The following N4BP2L1 variants were observed in gnomAD, a reference collection of about 807,000 sequenced individuals.
N4BP2L1 encodes the protein NEDD4-binding protein 2-like 1.
Under a neutral mutation model 21.2 loss-of-function variants are expected in N4BP2L1, and 12 were observed. That is an observed-to-expected ratio of 0.57 (90% CI 0.36 to 0.92). The LOEUF is 0.92. Ranked by LOEUF, N4BP2L1 falls within the 40% of genes least tolerant of loss-of-function variation. The pLI, the probability that N4BP2L1 is intolerant of heterozygous loss-of-function variation, is 0.01. For synonymous variants in N4BP2L1, 104 were observed against 112.8 expected (o/e 0.92, Z 0.49); for missense variants, 259 against 310.6 (o/e 0.83, Z 1.25).
intron 1 of N4BP2L1, among the ~76,000 whole-genome samples, chr13:32,418,601 T>C (rs206325): frequency 0.28 from 42,326 of 152,096 alleles, 6,562 homozygotes; most frequent in South Asian, 0.4. Flanking sequence ...GTAGATCCAC[T>C]GACAGCTTGC....
At chr13:32,403,361 T>C (rs1374536074) in intron 4 of N4BP2L1, among the ~76,000 whole-genome samples, 161 bp from the exon 5 acceptor site, 3 of 152,106 alleles carry the variant, frequency 2.0e-5, no homozygotes, top group African/African-American at 7.2e-5. Context: ...TCTTTCAGCC[T>C]CCACTCATGT....
In N4BP2L1 at chr13:32,428,046, T is replaced by G. The variant is rs2074901322; in HGVS notation, c.37A>C (p.Ser13Arg). 1.3e-6 allele frequency: 2 copies of G among 1,525,920 alleles called. No homozygotes were observed. The highest frequency in any genetic ancestry group is 1.4e-5 in the African/African-American group (1 of 69,462). The allele number at this position is 1,525,920 out of a possible 1,614,324, so 94.5% of individuals were successfully genotyped here. A position where few individuals can be genotyped will look rare whatever the true frequency, so the allele number is the denominator to read the frequency against. ...DSFLQSFGRL[S>R]LQPQQQQQRQ... is the part of the protein sequence containing the mutation. Reference sequence around the variant, plus strand: ...TGCTGCTGCTGCTGGGGCTGGAGGCTCAGCCTCCCAAAAGATTGAAGGAAA... The same window carrying G: ...TGCTGCTGCTGCTGGGGCTGGAGGCGCAGCCTCCCAAAAGATTGAAGGAAA... Residue 13 changes from serine (S) to arginine (R), a missense_variant, in exon 1 of 5, where the codon AGC becomes CGC. This residue lies in a region of N4BP2L1 where 60 missense variants were observed against 54.7 expected (regional missense o/e 1.10). Transcript: ENST00000380130.
At chr13:32,424,010 C>T (rs965415100) in intron 1 of N4BP2L1, among the ~76,000 whole-genome samples, 2 of 152,142 alleles carry the variant, frequency 1.3e-5, no homozygotes, top group South Asian at 2.1e-4. Context: ...ATTGAGGTAG[C>T]GGAAAGGACA....
At chr13:32,412,973 G>C (rs2073941491) in intron 1 of N4BP2L1, among the ~76,000 whole-genome samples, 2 of 152,102 alleles carry the variant, frequency 1.3e-5, no homozygotes, top group Non-Finnish European at 2.9e-5. Flanking sequence ...GCCCAGGCTG[G>C]AGTGCAGTGG....
chr13:32,418,994 C>T (rs1461907540), intron 1 of N4BP2L1, among the ~76,000 whole-genome samples: 1 of 152,066 alleles, frequency 6.6e-6, no homozygotes, highest in Non-Finnish European at 1.5e-5. Context: ...TGGACTTGGA[C>T]TTTTGAGTTA....
chr13:32,415,392 T>C lies in N4BP2L1; in HGVS notation c.180-7620A>G, dbSNP rs142945724. Reference sequence around the variant, plus strand: ...TCTTTCCAGGATATATCTAGATATTTAATTTATTTTTTTAATCACTTCTGA... The same window carrying C: ...TCTTTCCAGGATATATCTAGATATTCAATTTATTTTTTTAATCACTTCTGA... On this transcript the variant is annotated intron_variant, in intron 1 of 4. Transcript: ENST00000380130. Among the ~76,000 whole-genome samples the C allele has an allele frequency of 1.6e-3, 246 of 152,360 alleles. 1 individual carries two copies. Among genetic ancestry groups the C allele is most frequent in the African/African-American group, 5.6e-3 (234 of 41,582 alleles).
At chr13:32,405,280 C>T (rs199577683) in intron 3 of N4BP2L1, among the ~76,000 whole-genome samples, 3 of 152,124 alleles carry the variant, frequency 2.0e-5, no homozygotes, top group East Asian at 3.9e-4. Context: ...GAGGCCGAGG[C>T]GGGTGAATCA....
intron 1 of N4BP2L1, among the ~76,000 whole-genome samples, chr13:32,410,597 A>C (rs2073805149): frequency 6.6e-6 from 1 of 152,214 alleles, no homozygotes; most frequent in African/African-American, 2.4e-5. Flanking sequence ...CGCACATCGA[A>C]AGTCCAAACC....
At chr13:32,404,200 T>C (rs1344212176) in intron 4 of N4BP2L1, 121 bp downstream of exon 4, 3 of 1,609,826 alleles carry the variant, frequency 1.9e-6, no homozygotes, top group African/African-American at 1.3e-5. Flanking sequence ...TTCCAAGAAT[T>C]ACCATTTCTG....
rs71071039 is a variant in N4BP2L1, at chr13:32,419,412, A to ATTTTTTTTTT, written c.179+8482_179+8491dup. ...GGGTGCTTGCCACCATGCTTGGCTAATTTTTTTTTTTTTTTTTTTTTTTTT... is the reference window on the plus strand; with the variant it reads ...GGGTGCTTGCCACCATGCTTGGCTAATTTTTTTTTTTTTTTTTTTTTTTTTTTTTTTTTTT... On this transcript the variant is annotated intron_variant, in intron 1 of 4. Transcript: ENST00000380130. The ATTTTTTTTTT allele has an allele frequency of 1.1e-3, 310 of 284,676 alleles. 12 individuals are homozygous for ATTTTTTTTTT. The highest frequency in any genetic ancestry group is 1.5e-3 in the Admixed American group (28 of 18,772). 17.6% of individuals were successfully genotyped at this position (284,676 alleles called of 1,614,324 possible). A position where few individuals can be genotyped will look rare whatever the true frequency, so the allele number is the denominator to read the frequency against.
intron 1 of N4BP2L1, among the ~76,000 whole-genome samples, chr13:32,421,482 T>TA (rs974607002): frequency 4.6e-5 from 7 of 152,188 alleles, no homozygotes; most frequent in Non-Finnish European, 7.4e-5. Context: ...TCCATGAACT[T>TA]CCCTAGTAAT....
chr13:32,420,828 G>C lies in N4BP2L1; in HGVS notation c.179+7076C>G, dbSNP rs1018238130. The stretch of plus-strand genomic sequence containing the variant: ...CCTGCCTCAGCCTCCCAAGTAGCTG[G>C]GATTACAGGCACCTGCCACCATGCC... On this transcript the variant is annotated intron_variant, in intron 1 of 4. Transcript: ENST00000380130. Among the ~76,000 whole-genome samples, 28 of 152,198 alleles carry C rather than the reference G, an allele frequency of 1.8e-4. 2 individuals are homozygous for C. The highest frequency in any genetic ancestry group is 1.6e-3 in the Admixed American group (25 of 15,280).
At chr13:32,417,034 C>G (rs1049749337) in intron 1 of N4BP2L1, among the ~76,000 whole-genome samples, 2 of 152,154 alleles carry the variant, frequency 1.3e-5, no homozygotes, top group Non-Finnish European at 2.9e-5. Context: ...CCAGGCTGGT[C>G]TCGAACTCCT....
intron 1 of N4BP2L1, among the ~76,000 whole-genome samples, chr13:32,417,266 C>T (rs1014774361): frequency 6.6e-6 from 1 of 152,158 alleles, no homozygotes; most frequent in African/African-American, 2.4e-5. Flanking sequence ...TTGTAGTTCC[C>T]ATAATCCCCA....
In N4BP2L1 at chr13:32,428,118, C is replaced by T. The variant is rs1193879192; in HGVS notation, c.-36G>A. ...GCTGGCTGCGAGAGCCCCGGGTTCC[C>T]TTTACTGAAGTCACGGTCTTGGCCA... is the stretch of plus-strand genomic sequence containing the variant. On this transcript the variant is annotated 5_prime_UTR_variant, in exon 1 of 5. Transcript: ENST00000380130. 4 of 1,424,926 alleles carry T rather than the reference C, an allele frequency of 2.8e-6. No homozygotes were observed. The highest frequency in any genetic ancestry group is 3.7e-6 in the Non-Finnish European group (4 of 1,084,932). The allele number at this position is 1,424,926 out of a possible 1,614,324, so 88.3% of individuals were successfully genotyped here.
chr13:32,404,629 G>A (rs546669663), intron 3 of N4BP2L1, among the ~76,000 whole-genome samples: 1 of 149,670 alleles, frequency 6.7e-6, no homozygotes, highest in Non-Finnish European at 1.5e-5. Flanking sequence ...TAGGAAATTT[G>A]TAAAGGTTCT....
intron 1 of N4BP2L1, among the ~76,000 whole-genome samples, chr13:32,413,875 GC>G (rs2073988040): frequency 7.5e-6 from 1 of 133,220 alleles, no homozygotes; most frequent in Non-Finnish European, 1.6e-5. Flanking sequence ...TTTGCACCAA[GC>G]TTTTTTTTTT....
At chr13:32,427,500 T>C (rs1338240513) in intron 1 of N4BP2L1, among the ~76,000 whole-genome samples, 1 of 152,104 alleles carries the variant, frequency 6.6e-6, no homozygotes, top group East Asian at 1.9e-4. Flanking sequence ...GACCTGGGGC[T>C]GGGGAGGCTG....
rs893935597 is a variant in N4BP2L1 at position 32,428,062 on chromosome 13, T to C, written c.21A>G (p.Gln7=). 6 of 1,495,686 alleles carry C rather than the reference T, an allele frequency of 4.0e-6. No individual in the cohort carries two copies. In the African/African-American group the frequency reaches 8.8e-5, roughly 22 times the overall value. 92.7% of individuals were successfully genotyped at this position (1,495,686 alleles called of 1,614,324 possible). A position where few individuals can be genotyped will look rare whatever the true frequency, so the allele number is the denominator to read the frequency against. Residue 7 remains glutamine, a synonymous_variant, in exon 1 of 5, where the codon CAA becomes CAG. Transcript: ENST00000380130. MEDSFL[Q]SFGRLSLQPQ... ...GCTGGAGGCTCAGCCTCCCAAAAGA[T>C]TGAAGGAAACTGTCCTCCATGGGCA...
Sources: allele counts gnomAD v4.1 joint callset (sites outside exome capture counted in the v4.1 genomes callset), GRCh38; gene constraint gnomAD v4.1.1; regional missense constraint gnomAD v4.1.1; transcripts MANE v1.5; gene names NCBI Gene and HGNC (gene_info 2026-07-23, HGNC 2026-07-21).